The following OPCML variants were observed in gnomAD, a reference collection of about 807,000 sequenced individuals.
The protein encoded by OPCML is opioid binding protein/cell adhesion molecule like.
OPCML carries 13 observed loss-of-function variants against 37.8 expected under a neutral mutation model. That is an observed-to-expected ratio of 0.34 (90% CI 0.22 to 0.55). OPCML has a LOEUF of 0.55. Among genes scored for constraint, OPCML ranks in the 20% least tolerant of loss-of-function variants. The probability of loss-of-function intolerance (pLI) is 0.91; values close to 1 mark genes in which losing one functional copy is unlikely to be tolerated. For missense variants in OPCML, 341 were observed against 435.6 expected (o/e 0.78, Z 1.93); for synonymous variants, 176 against 168.8 (o/e 1.04, Z -0.33).
chr11:133,250,660 A>T (rs541260004), intron 1 of OPCML, among the ~76,000 whole-genome samples: 1 of 152,322 alleles, frequency 6.6e-6, no homozygotes, highest in Non-Finnish European at 1.5e-5. Context: ...ACAAAAAATC[A>T]TCTTAATCTT....
intron 1 of OPCML, among the ~76,000 whole-genome samples, chr11:133,337,971 C>T (rs1592214050): frequency 2.0e-5 from 3 of 151,918 alleles, no homozygotes; most frequent in Admixed American, 2.0e-4. Context: ...CCCAGCCCTG[C>T]TACCTGTGGA....
Position 132,466,410 on chromosome 11 carries a change from C to G in OPCML, c.506-29051G>C, listed in dbSNP as rs371100415. On this transcript the variant is annotated intron_variant, in intron 4 of 7. Coordinates refer to ENST00000524381, the MANE Select transcript of OPCML (RefSeq NM_001012393.5). ...GAGGCAGGAGAATGGCGTGAACCCG[C>G]GAGGCGGAGCTTGCAGTGAGCCGAG... 4.0e-4 allele frequency among the ~76,000 whole-genome samples: 60 copies of G among 150,492 alleles called. No homozygotes were observed. In the South Asian group the frequency reaches 5.0e-3, roughly 13 times the overall value.
chr11:133,514,722 C>T (rs1214396613), intron 1 of OPCML, among the ~76,000 whole-genome samples: 9 of 152,148 alleles, frequency 5.9e-5, no homozygotes, highest in Non-Finnish European at 1.3e-4. Flanking sequence ...TTATAACCCA[C>T]TGATTTTAAA....
rs538839389 is a variant in OPCML at position 132,923,731 on chromosome 11, C to T, written c.146+19195G>A. ...AAACAGACATTATTAACATGCCCTG[C>T]GAAGTATCACAGAAGTTACTTGAAT... is the stretch of plus-strand genomic sequence containing the variant. On this transcript the variant is annotated intron_variant, in intron 2 of 7. Transcript: ENST00000524381. 4.1e-5 allele frequency among the ~76,000 whole-genome samples: 6 copies of T among 146,902 alleles called. No homozygotes were observed. The East Asian group carries it at 6.0e-4, about 15-fold the overall frequency.
At chr11:132,715,932 G>A (rs907789295) in intron 2 of OPCML, among the ~76,000 whole-genome samples, 5 of 152,118 alleles carry the variant, frequency 3.3e-5, no homozygotes, top group African/African-American at 7.2e-5. Flanking sequence ...CTCGATAGAA[G>A]GCATGTTTTA....
chr11:133,017,968 C>G (rs1001984288), intron 1 of OPCML, among the ~76,000 whole-genome samples: 7 of 152,146 alleles, frequency 4.6e-5, no homozygotes, highest in Non-Finnish European at 7.4e-5. Flanking sequence ...GCATTTTTTT[C>G]TGAAGACCCT....
At chr11:132,427,054 A>T (rs1410936049) in intron 7 of OPCML, among the ~76,000 whole-genome samples, 1 of 152,206 alleles carries the variant, frequency 6.6e-6, no homozygotes, top group African/African-American at 2.4e-5. Flanking sequence ...CCTTTCCATG[A>T]TTACAATGAA....
intron 4 of OPCML, among the ~76,000 whole-genome samples, chr11:132,483,247 A>G (rs1374556667): frequency 1.3e-5 from 2 of 149,732 alleles, no homozygotes; most frequent in African/African-American, 5.0e-5. Flanking sequence ...TCAATGTGCA[A>G]AAATCACAAG....
At chr11:133,036,941 T>G (rs1947794018) in intron 1 of OPCML, among the ~76,000 whole-genome samples, 1 of 152,172 alleles carries the variant, frequency 6.6e-6, no homozygotes. Context: ...CTTGTTCCTC[T>G]GTGATGCTCT....
chr11:133,176,759 T>A (rs1193093664), intron 1 of OPCML, among the ~76,000 whole-genome samples: 1 of 152,222 alleles, frequency 6.6e-6, no homozygotes, highest in African/African-American at 2.4e-5. Flanking sequence ...CTTTTCTTTA[T>A]AAATTACCCA....
intron 2 of OPCML, among the ~76,000 whole-genome samples, chr11:132,942,614 T>C (rs1000790188): frequency 2.0e-5 from 3 of 152,146 alleles, no homozygotes; most frequent in African/African-American, 7.2e-5. Flanking sequence ...TTCAAACCCA[T>C]GCACTCATGT....
chr11:132,659,972 T>G (rs960689514), intron 2 of OPCML, among the ~76,000 whole-genome samples: 1 of 152,230 alleles, frequency 6.6e-6, no homozygotes, highest in African/African-American at 2.4e-5. Flanking sequence ...AAATTTAAAT[T>G]TCTTTTATGT....
At chr11:133,350,800 A>T (rs1324589801) in intron 1 of OPCML, among the ~76,000 whole-genome samples, 2 of 152,220 alleles carry the variant, frequency 1.3e-5, no homozygotes, top group East Asian at 3.9e-4. Context: ...ACTTGATGAC[A>T]GGCAGCTTCT....
Position 133,458,661 on chromosome 11 carries a change from GTA to G in OPCML, c.61+73601_61+73602del, listed in dbSNP as rs373925533. Reference sequence around the variant, plus strand: ...TATACACATAGATGCACGTGTGTGTGTATATATACACATAGATGCACGTGTGT... The same window carrying G: ...TATACACATAGATGCACGTGTGTGTGTATATACACATAGATGCACGTGTGT... On this transcript the variant is annotated intron_variant, in intron 1 of 7. Transcript: ENST00000524381. 6.3e-3 allele frequency among the ~76,000 whole-genome samples: 648 copies of G among 102,308 alleles called. 99 individuals carry two copies. Among genetic ancestry groups the G allele is most frequent in the African/African-American group, 0.038 (281 of 7,376 alleles). The allele number at this position is 102,308 out of a possible 152,430, so 67.1% of individuals were successfully genotyped here. A position where few individuals can be genotyped will look rare whatever the true frequency, so the allele number is the denominator to read the frequency against.
At chr11:132,498,478 T>C (rs139400672) in intron 4 of OPCML, among the ~76,000 whole-genome samples, 273 of 152,348 alleles carry the variant, frequency 1.8e-3, no homozygotes, top group African/African-American at 5.8e-3. Context: ...TTCAGTATTA[T>C]ATCTATTCAA....
chr11:133,331,047 T>C (rs925778430), intron 1 of OPCML, among the ~76,000 whole-genome samples: 1 of 152,118 alleles, frequency 6.6e-6, no homozygotes, highest in Non-Finnish European at 1.5e-5. Context: ...TCCAATACAA[T>C]TGGTGTAGAT....
chr11:132,435,361 T>C (rs186929324), intron 7 of OPCML: 1 of 421,470 alleles, frequency 2.4e-6, no homozygotes, highest in East Asian at 1.6e-4. Context: ...CTCATCCTAC[T>C]CATCGGATGC....
intron 1 of OPCML, chr11:133,006,594 C>T (rs1368440878): frequency 1.0e-6 from 1 of 985,338 alleles, no homozygotes; most frequent in Non-Finnish European, 1.2e-6. Context: ...TTGAAAGTCG[C>T]TGGCCGAACC....
At chr11:133,040,252 C>T (rs1947864734) in intron 1 of OPCML, among the ~76,000 whole-genome samples, 1 of 152,150 alleles carries the variant, frequency 6.6e-6, no homozygotes, top group African/African-American at 2.4e-5. Flanking sequence ...ATCACCTCCT[C>T]CTCCCACTGC....
Sources: allele counts gnomAD v4.1 joint callset (sites outside exome capture counted in the v4.1 genomes callset), GRCh38; gene constraint gnomAD v4.1.1; transcripts MANE v1.5; gene names NCBI Gene and HGNC (gene_info 2026-07-23, HGNC 2026-07-21).